SYT14: variants seen among roughly 807,000 people sequenced by gnomAD.
SYT14 encodes the protein synaptotagmin 14.
A neutral mutation model predicts 74.2 loss-of-function variants in SYT14; 32 were observed. That is an observed-to-expected ratio of 0.43 (90% CI 0.33 to 0.58). SYT14 has a LOEUF of 0.58. Ranked by LOEUF, SYT14 falls within the 20% of genes least tolerant of loss-of-function variation. The probability of loss-of-function intolerance (pLI) is 0.05; values close to 1 mark genes in which losing one functional copy is unlikely to be tolerated. For missense variants in SYT14, 791 were observed against 981.8 expected (o/e 0.81, Z 2.60); for synonymous variants, 298 against 337.7 (o/e 0.88, Z 1.29).
intron 1 of SYT14, among the ~76,000 whole-genome samples, chr1:209,940,988 A>G (rs1329210285): frequency 1.3e-5 from 2 of 152,182 alleles, no homozygotes; most frequent in African/African-American, 4.8e-5. Context: ...AATCAACTAA[A>G]ACCACAGTCT....
rs887897575 is a variant in SYT14, at chr1:210,114,104, G to T, written c.2034+13643G>T. Among the ~76,000 whole-genome samples, 3 of 151,456 alleles carry T rather than the reference G, an allele frequency of 2.0e-5. 1 individual carries two copies. The highest frequency in any genetic ancestry group is 4.9e-5 in the African/African-American group (2 of 40,712). On this transcript the variant is annotated intron_variant, in intron 7 of 9. Transcript: ENST00000637265. ...CGCTATGCCGAGAAGATCTGGGAAG[G>T]AGTCAGTCAGAGAGCCTTGGGCTAG... is the stretch of plus-strand genomic sequence containing the variant.
intron 7 of SYT14, among the ~76,000 whole-genome samples, chr1:210,144,537 C>T (rs1331483199): frequency 1.3e-5 from 2 of 151,776 alleles, no homozygotes; most frequent in African/African-American, 4.8e-5. Flanking sequence ...TTTATATACT[C>T]GTATTGTTCT....
At chr1:210,119,672 T>C (rs540468435) in intron 7 of SYT14, among the ~76,000 whole-genome samples, 8 of 152,240 alleles carry the variant, frequency 5.3e-5, no homozygotes, top group Non-Finnish European at 1.2e-4. Flanking sequence ...AGCAAATAGA[T>C]GTAAATTTCC....
intron 9 of SYT14, 89 bp downstream of exon 8, chr1:210,159,566 T>G: frequency 8.5e-7 from 1 of 1,172,848 alleles, no homozygotes; most frequent in Non-Finnish European, 1.2e-6. Flanking sequence ...CTGTCCACCA[T>G]GTTGGTTTCC....
intron 8 of SYT14, among the ~76,000 whole-genome samples, chr1:210,157,610 C>T (rs1231144477): frequency 1.3e-5 from 2 of 151,752 alleles, no homozygotes; most frequent in Admixed American, 6.6e-5. Flanking sequence ...GGCATGGTGG[C>T]GCGTGCCTGT....
intron 1 of SYT14, among the ~76,000 whole-genome samples, chr1:209,950,029 AG>A (rs2078886905): frequency 1.3e-5 from 2 of 152,302 alleles, no homozygotes; most frequent in East Asian, 3.9e-4. Context: ...AGAATGTAGT[AG>A]TTTTTATTGT....
intron 7 of SYT14, among the ~76,000 whole-genome samples, chr1:210,151,510 C>CA (rs1553289521): frequency 7.2e-6 from 1 of 139,102 alleles, no homozygotes; most frequent in African/African-American, 3.0e-5. Flanking sequence ...GAATGCCCCC[C>CA]CCCTTTTTTT....
rs146243754 is a variant in SYT14 at position 209,949,190 on chromosome 1, C to A, written c.-533-3519C>A. Among the ~76,000 whole-genome samples the A allele has an allele frequency of 9.8e-5, 15 of 152,294 alleles. No homozygotes were observed. In the East Asian group the frequency reaches 2.7e-3, roughly 27 times the overall value. The stretch of plus-strand genomic sequence containing the variant: ...AGTATTTAAGCCTTTGACTTCCAAA[C>A]AGACATATACATTAAAAAATTTACA... On this transcript the variant is annotated intron_variant, in intron 1 of 9. Transcript: ENST00000637265.
At chr1:210,077,322 C>T (rs1344968091) in intron 5 of SYT14, among the ~76,000 whole-genome samples, 4 of 152,138 alleles carry the variant, frequency 2.6e-5, no homozygotes, top group South Asian at 4.1e-4. Flanking sequence ...AGCCCCGAGC[C>T]GTGAGGGATC....
intron 5 of SYT14, among the ~76,000 whole-genome samples, chr1:210,093,495 T>C (rs2081914403): frequency 6.6e-6 from 1 of 152,228 alleles, no homozygotes; most frequent in African/African-American, 2.4e-5. Context: ...ACTCTGTCCT[T>C]GTTCGCAGAT....
intron 5 of SYT14, among the ~76,000 whole-genome samples, chr1:210,031,026 A>C (rs2080521332): frequency 6.6e-6 from 1 of 151,724 alleles, no homozygotes; most frequent in South Asian, 2.1e-4. Flanking sequence ...TCCTGGGCTC[A>C]AGCAATCTTC....
chr1:210,005,707 G>T (rs975622497), intron 2 of SYT14, among the ~76,000 whole-genome samples: 2 of 151,898 alleles, frequency 1.3e-5, no homozygotes, highest in Admixed American at 6.6e-5. Flanking sequence ...TAATTCTAAA[G>T]CCTCAATCAA....
At chr1:210,065,898 C>G (rs1244612203) in intron 5 of SYT14, among the ~76,000 whole-genome samples, 3 of 150,668 alleles carry the variant, frequency 2.0e-5, no homozygotes, top group Non-Finnish European at 3.0e-5. Context: ...CACAACAGTC[C>G]CCGGTGTGTG....
intron 5 of SYT14, among the ~76,000 whole-genome samples, chr1:210,073,705 T>G (rs1237548402): frequency 6.6e-6 from 1 of 152,066 alleles, no homozygotes; most frequent in Non-Finnish European, 1.5e-5. Flanking sequence ...TTTTGTTTTT[T>G]TTTGTCTTTC....
At chr1:210,167,927 C>G (rs2083472701) in exon 10 of SYT14, 1 of 152,118 alleles carries the variant, frequency 6.6e-6, no homozygotes, top group African/African-American at 2.4e-5. Flanking sequence ...TAATACCTAT[C>G]AAAAAGTGAT....
chr1:210,023,910 G>A (rs1302210479), intron 5 of SYT14, among the ~76,000 whole-genome samples: 3 of 152,166 alleles, frequency 2.0e-5, no homozygotes, highest in African/African-American at 7.2e-5. Context: ...ATAAAATGTA[G>A]CGAATATTTC....
chr1:210,021,332 G>T, intron 5 of SYT14, 78 bp downstream of exon 4: 1 of 1,299,080 alleles, frequency 7.7e-7, no homozygotes, highest in South Asian at 1.2e-5. Flanking sequence ...CTAGGAATCT[G>T]TGGTTGCAGA....
chr1:210,114,028 T>C (rs1233578945), intron 7 of SYT14, among the ~76,000 whole-genome samples: 1 of 151,220 alleles, frequency 6.6e-6, no homozygotes, highest in African/African-American at 2.5e-5. Flanking sequence ...TGAAAGAGTC[T>C]GTGTTGGTCC....
Position 210,163,897 on chromosome 1 carries a change from G to A in SYT14, c.*2855G>A, listed in dbSNP as rs543402634. 318 of 453,670 alleles carry A rather than the reference G, an allele frequency of 7.0e-4. 1 individual carries two copies. Among genetic ancestry groups the A allele is most frequent in the Admixed American group, 2.7e-3 (114 of 42,532 alleles). The allele number at this position is 453,670 out of a possible 1,614,324, so 28.1% of individuals were successfully genotyped here. ...AGGGACCTACTGGTAGGGAGCAGGT[G>A]TTGGCTCAGAAACCTGAAAAAGACA... is the stretch of plus-strand genomic sequence containing the variant. On this transcript the variant is annotated 3_prime_UTR_variant, in exon 10 of 10. Transcript: ENST00000637265.
Sources: allele counts gnomAD v4.1 joint callset (sites outside exome capture counted in the v4.1 genomes callset), GRCh38; gene constraint gnomAD v4.1.1; transcripts MANE v1.5; gene names NCBI Gene and HGNC (gene_info 2026-07-23, HGNC 2026-07-21).